SP110: variants seen among roughly 807,000 people sequenced by gnomAD.
SP110 encodes the protein interferon-induced protein 41, 30kD.
A neutral mutation model predicts 92.7 loss-of-function variants in SP110; 62 were observed. That is an observed-to-expected ratio of 0.67 (90% CI 0.55 to 0.83). SP110 has a LOEUF of 0.83. Among genes scored for constraint, SP110 ranks in the 40% least tolerant of loss-of-function variants. The pLI is 0.00. For synonymous variants in SP110, 273 were observed against 305.3 expected (o/e 0.89, Z 1.10); for missense variants, 793 against 863.9 (o/e 0.92, Z 1.03).
At chr2:230,210,268 T>C (rs987573652) in intron 6 of SP110, among the ~76,000 whole-genome samples, 5 of 152,168 alleles carry the variant, frequency 3.3e-5, no homozygotes, top group Non-Finnish European at 7.4e-5. Context: ...GATTATCTTA[T>C]GGATGGAAGA....
chr2:230,200,787 GAA>G, intron 10 of SP110, 96 bp downstream of exon 10: 1 of 885,596 alleles, frequency 1.1e-6, no homozygotes, highest in East Asian at 2.7e-5. Context: ...CAGTAATAAT[GAA>G]AAAAAAAAGT....
chr2:230,209,868 G>A, intron 7 of SP110, 63 bp downstream of exon 7: 6 of 972,232 alleles, frequency 6.2e-6, no homozygotes, highest in Non-Finnish European at 1.0e-5. Context: ...GATACAGTCA[G>A]AAAAACAGAA....
At position 230,171,564 on chromosome 2, in the gene SP110, C is replaced by G. The variant is rs527890349; in HGVS notation, c.1887+132G>C. The G allele has an allele frequency of 3.0e-5, 23 of 757,408 alleles. No homozygotes were observed. In the Admixed American group the frequency reaches 4.2e-4, roughly 14 times the overall value. 46.9% of individuals were successfully genotyped at this position (757,408 alleles called of 1,614,324 possible). A position where few individuals can be genotyped will look rare whatever the true frequency, so the allele number is the denominator to read the frequency against. ...AGTGTGCAGCAAAATCCCTGCTGCC[C>G]CGCTCCACTGCTGCCACGCTGCCCT... On this transcript the variant is annotated intron_variant, in intron 17 of 18. Coordinates refer to ENST00000258381, the MANE Select transcript of SP110 (RefSeq NM_080424.4).
At chr2:230,208,613 C>A (rs1054595039) in intron 7 of SP110, among the ~76,000 whole-genome samples, 5 of 152,076 alleles carry the variant, frequency 3.3e-5, no homozygotes, top group African/African-American at 9.7e-5. Flanking sequence ...GAGCAAAAAG[C>A]AGGAGGTGAG....
intron 9 of SP110, 98 bp downstream of exon 9, chr2:230,202,481 A>T: frequency 5.3e-6 from 6 of 1,131,734 alleles, no homozygotes; most frequent in Admixed American, 1.9e-5. Flanking sequence ...TTTTCCTTTT[A>T]CTATTGACTT....
chr2:230,224,875 C>T (rs979505488), upstream of SP110, among the ~76,000 whole-genome samples: 26 of 152,254 alleles, frequency 1.7e-4, no homozygotes, highest in African/African-American at 6.0e-4. Flanking sequence ...GATTTCTAGT[C>T]CTGTGGTTAT....
chr2:230,202,760 A>G (rs750395652), intron 8 of SP110, 32 bp from the exon 9 acceptor site: 1 of 1,612,958 alleles, frequency 6.2e-7, no homozygotes, highest in Non-Finnish European at 8.5e-7. Context: ...TAATAGTTTA[A>G]ATTGGGGTCT....
chr2:230,222,318 T>C (rs929858941), upstream of SP110, among the ~76,000 whole-genome samples: 3 of 152,142 alleles, frequency 2.0e-5, no homozygotes, highest in Admixed American at 1.3e-4. Flanking sequence ...GATTATGTAC[T>C]GAGATAAATT....
At chr2:230,172,770 G>T in intron 15 of SP110, 74 bp downstream of exon 15, 2 of 1,011,816 alleles carry the variant, frequency 2.0e-6, no homozygotes, top group South Asian at 2.6e-5. Flanking sequence ...CCTCGTCCCC[G>T]ACGCTCACAG....
chr2:230,173,174 C>A (rs2078496518), intron 14 of SP110: 1 of 524,442 alleles, frequency 1.9e-6, no homozygotes, highest in South Asian at 1.8e-5. Context: ...GCCACCAGGA[C>A]TTTTCTTCTC....
chr2:230,186,305 T>A (rs1192935259), intron 10 of SP110, among the ~76,000 whole-genome samples, 162 bp from the exon 11 acceptor site: 4 of 152,128 alleles, frequency 2.6e-5, no homozygotes, highest in African/African-American at 9.7e-5. Context: ...TTTCTCTTTT[T>A]CAAGTCCTCA....
chr2:230,223,184 G>A (rs992930930), upstream of SP110, among the ~76,000 whole-genome samples: 4 of 151,886 alleles, frequency 2.6e-5, no homozygotes, highest in East Asian at 5.8e-4. Flanking sequence ...CTACAGGCAC[G>A]CATCACCATA....
upstream of SP110, chr2:230,221,932 C>T: frequency 1.7e-6 from 1 of 604,314 alleles, no homozygotes. Flanking sequence ...TATTCTAAGC[C>T]ATATATGCTT....
chr2:230,178,641 A>G (rs2041977726), intron 12 of SP110, among the ~76,000 whole-genome samples: 1 of 152,214 alleles, frequency 6.6e-6, no homozygotes, highest in Non-Finnish European at 1.5e-5. Flanking sequence ...ATCTTCATTT[A>G]TAATCTTATT....
chr2:230,209,946 G>A lies in SP110; in HGVS notation c.814C>T (p.Pro272Ser). Residue 272 changes from proline to serine, a missense_variant, in exon 7 of 19, where the codon CCT (proline) becomes TCT (serine). Pro to Ser is a moderately conservative substitution (Grantham distance 74). Transcript: ENST00000258381. ...CTTTTCTTACCTTTCTTGTCTGAAGGTGTGCTGGACACCTCCTGGGGCTCT... is the reference window on the plus strand; with the variant it reads ...CTTTTCTTACCTTTCTTGTCTGAAGATGTGCTGGACACCTCCTGGGGCTCT... ...PEEPQEVSSTPSDKKGKKRKR... is the reference protein window; with the variant it reads ...PEEPQEVSSTSSDKKGKKRKR... 1 of 1,602,344 alleles carries A rather than the reference G, an allele frequency of 6.2e-7. No individual in the cohort carries two copies. The highest frequency in any genetic ancestry group is 1.7e-5 in the Admixed American group (1 of 60,000).
intron 8 of SP110, among the ~76,000 whole-genome samples, chr2:230,205,567 G>A (rs2043680185): frequency 6.6e-6 from 1 of 151,534 alleles, no homozygotes; most frequent in Non-Finnish European, 1.5e-5. Context: ...TTTCCCCTTT[G>A]TTTTTTGCTT....
rs2078341742 is a variant in SP110, at chr2:230,168,128, A to AAAAAAAAAAC, written c.*995_*996insGTTTTTTTTT. ...TGTCTCAAAAAAAAAAAAAAAAAAA[A>AAAAAAAAAAC]AAAAAGAAAAAGTGGGCAACTCAAG... On this transcript the variant is annotated 3_prime_UTR_variant, in exon 19 of 19. Transcript: ENST00000258381. 1 of 144,490 alleles carries AAAAAAAAAAC rather than the reference A, an allele frequency of 6.9e-6. No individual in the cohort carries two copies. The highest frequency in any genetic ancestry group is 2.6e-5 in the African/African-American group (1 of 38,830). 9.0% of individuals were successfully genotyped at this position (144,490 alleles called of 1,614,324 possible). A position where few individuals can be genotyped will look rare whatever the true frequency, so the allele number is the denominator to read the frequency against.
At chr2:230,198,271 C>T (rs1417213176) in intron 10 of SP110, among the ~76,000 whole-genome samples, 5 of 152,112 alleles carry the variant, frequency 3.3e-5, no homozygotes, top group Admixed American at 2.6e-4. Flanking sequence ...ATGCTGTGAC[C>T]CAGAAGTGAC....
At chr2:230,216,965 G>C in intron 1 of SP110, 37 bp from the exon 2 acceptor site, 4 of 1,594,820 alleles carry the variant, frequency 2.5e-6, no homozygotes, top group Non-Finnish European at 3.4e-6. Context: ...AGAAGCAAAG[G>C]CTGGGCGCGG....
Sources: allele counts gnomAD v4.1 joint callset (sites outside exome capture counted in the v4.1 genomes callset), GRCh38; gene constraint gnomAD v4.1.1; transcripts MANE v1.5; gene names NCBI Gene and HGNC (gene_info 2026-07-23, HGNC 2026-07-21).